The following EVL variants were observed in gnomAD, a reference collection of about 807,000 sequenced individuals.
The protein encoded by EVL is ena/VASP-like protein.
A neutral mutation model predicts 59.6 loss-of-function variants in EVL; 21 were observed. The ratio of observed to expected loss-of-function variants is 0.35; its 90% CI spans 0.25 to 0.51. EVL has a LOEUF of 0.51. Ranked by LOEUF, EVL falls within the 20% of genes least tolerant of loss-of-function variation. EVL has a pLI of 0.97. For synonymous variants in EVL, 198 were observed against 203.5 expected, an observed-to-expected ratio of 0.97 and a Z score of 0.23; for missense variants, 462 against 546.6, an observed-to-expected ratio of 0.85 and a Z score of 1.54.
chr14:100,043,177 T>A (rs1326713735), intron 1 of EVL, among the ~76,000 whole-genome samples: 1 of 152,110 alleles, frequency 6.6e-6, no homozygotes, highest in Non-Finnish European at 1.5e-5. Flanking sequence ...GGAACCCCTC[T>A]GTATTAATCA....
intron 3 of EVL, among the ~76,000 whole-genome samples, chr14:100,099,194 A>AG (rs1307974832): frequency 7.2e-5 from 11 of 151,874 alleles, no homozygotes; most frequent in Non-Finnish European, 1.5e-4. Flanking sequence ...AAAAAAAAAA[A>AG]AAAAAGAAAA....
intron 2 of EVL, among the ~76,000 whole-genome samples, chr14:100,087,458 T>A (rs1221101155): frequency 2.6e-5 from 4 of 151,928 alleles, no homozygotes; most frequent in Admixed American, 1.3e-4. Flanking sequence ...TATAAAAAAA[T>A]ATATAAATTA....
At chr14:100,112,679 G>T (rs1165012393) in intron 3 of EVL, among the ~76,000 whole-genome samples, 1 of 152,144 alleles carries the variant, frequency 6.6e-6, no homozygotes, top group Non-Finnish European at 1.5e-5. Flanking sequence ...AAAACCTCAG[G>T]GCTCCTTCCC....
chr14:99,973,441 T>C (rs929991900), intron 1 of EVL, among the ~76,000 whole-genome samples: 1 of 152,360 alleles, frequency 6.6e-6, no homozygotes, highest in African/African-American at 2.4e-5. Flanking sequence ...TGTTCAGATA[T>C]CTTGCCCACA....
chr14:100,139,087 G>GGT (rs1390444835), intron 11 of EVL: 1 of 152,424 alleles, frequency 6.6e-6, no homozygotes, highest in Non-Finnish European at 1.5e-5. Context: ...AGGGTGCCAT[G>GGT]GTGGAGGCTG....
Position 100,109,065 on chromosome 14 carries a change from A to G in EVL, c.358+11407A>G, listed in dbSNP as rs905589233. Among the ~76,000 whole-genome samples the G allele has an allele frequency of 1.9e-4, 29 of 152,194 alleles. 1 individual carries two copies. In the East Asian group the frequency reaches 5.4e-3, roughly 29 times the overall value. ...CTCAGCATCGAGGTCCTGTGGGACC[A>G]TGTCCAGCAGTGAAGGCTGTGCATT... On this transcript the variant is annotated intron_variant, in intron 3 of 13. Coordinates refer to ENST00000392920, the MANE Select transcript of EVL (RefSeq NM_016337.3). This position sits in a 1 kb window ranked among gnomAD's most constrained non-coding sequence, Gnocchi z 4.3.
intron 1 of EVL, among the ~76,000 whole-genome samples, chr14:100,051,662 G>T (rs1248540767): frequency 6.6e-6 from 1 of 152,136 alleles, no homozygotes; most frequent in Non-Finnish European, 1.5e-5. Flanking sequence ...GCCAGTAATT[G>T]TAACTTGTTT....
chr14:99,972,839 C>T lies in EVL; in HGVS notation c.5+782C>T, dbSNP rs2060744171. Among the ~76,000 whole-genome samples the T allele has an allele frequency of 6.6e-6, 1 of 151,804 alleles. No individual in the cohort carries two copies. Among genetic ancestry groups the T allele is most frequent in the Admixed American group, 6.6e-5 (1 of 15,254 alleles). On this transcript the variant is annotated intron_variant, in intron 1 of 13. Transcript: ENST00000402714. This position sits in a 1 kb window ranked among gnomAD's most constrained non-coding sequence, Gnocchi z 4.4. ...CATTTGTAATTTTGCTTTCTGAACA[C>T]GTATCTCGTAAAAACTGTAGTTTGT...
At position 100,100,140 on chromosome 14, in the gene EVL, C is replaced by T. The variant is rs1192714345; in HGVS notation, c.358+2482C>T. Among the ~76,000 whole-genome samples the T allele has an allele frequency of 2.6e-5, 4 of 151,912 alleles. No homozygotes were observed. In the South Asian group the frequency reaches 6.2e-4, roughly 24 times the overall value. On this transcript the variant is annotated intron_variant, in intron 3 of 13. Coordinates refer to ENST00000392920, the MANE Select transcript of EVL (RefSeq NM_016337.3). ...TCATTTTCAGATAAGAAAGCCATGCCGCATTATGAGGAAACAACTTCTCGT... is the reference window on the plus strand; with the variant it reads ...TCATTTTCAGATAAGAAAGCCATGCTGCATTATGAGGAAACAACTTCTCGT...
chr14:100,072,943 T>C (rs1301111357), intron 1 of EVL, among the ~76,000 whole-genome samples: 1 of 152,212 alleles, frequency 6.6e-6, no homozygotes, highest in Non-Finnish European at 1.5e-5. Context: ...GGATCAGCCA[T>C]GGGCGTTGGG....
At chr14:100,093,648 G>A (rs534327081) in intron 2 of EVL, among the ~76,000 whole-genome samples, 13 of 152,320 alleles carry the variant, frequency 8.5e-5, no homozygotes, top group East Asian at 3.9e-4. Context: ...ACTGGGATAC[G>A]TCCTCTAGAA....
At position 100,019,544 on chromosome 14, in the gene EVL, T is replaced by TG. The variant is rs1391126759; in HGVS notation, c.5+47493dup. ...CAGAAAGCCTTTTACTTCAGAATAT[T>TG]GGGGGGTGTGGAAACCCCGCCTCAT... is the stretch of plus-strand genomic sequence containing the variant. On this transcript the variant is annotated intron_variant, in intron 1 of 13. Coordinates refer to the EVL transcript ENST00000402714. The TG allele has an allele frequency of 5.0e-6, 4 of 796,820 alleles. No homozygotes were observed. In the South Asian group the frequency reaches 5.8e-5, roughly 12 times the overall value. The allele number at this position is 796,820 out of a possible 1,614,324, so 49.4% of individuals were successfully genotyped here.
At chr14:100,002,017 A>G (rs2060949072) in intron 1 of EVL, among the ~76,000 whole-genome samples, 1 of 152,230 alleles carries the variant, frequency 6.6e-6, no homozygotes, top group Non-Finnish European at 1.5e-5. Context: ...AATATCCTCC[A>G]AATTTTGTTC....
chr14:100,067,273 G>A (rs906940031), intron 1 of EVL, among the ~76,000 whole-genome samples: 1 of 152,204 alleles, frequency 6.6e-6, no homozygotes, highest in Non-Finnish European at 1.5e-5. Flanking sequence ...TGGGGATACC[G>A]TGGCGCCTGT....
At chr14:100,079,853 T>C (rs2062254490) in intron 1 of EVL, among the ~76,000 whole-genome samples, 1 of 152,040 alleles carries the variant, frequency 6.6e-6, no homozygotes, top group Non-Finnish European at 1.5e-5. Flanking sequence ...CAGCCCGAGA[T>C]TGACTTCGGG....
intron 1 of EVL, among the ~76,000 whole-genome samples, chr14:100,035,649 T>C (rs1234092082): frequency 1.3e-5 from 2 of 152,174 alleles, no homozygotes; most frequent in African/African-American, 2.4e-5. Flanking sequence ...ATTGTTCCAA[T>C]AGGTAAGACA....
intron 1 of EVL, among the ~76,000 whole-genome samples, chr14:100,083,697 C>T (rs2062365620): frequency 6.6e-6 from 1 of 152,222 alleles, no homozygotes; most frequent in African/African-American, 2.4e-5. Context: ...ATGTCTTCAG[C>T]AAAGTATGGT....
At chr14:100,026,343 CAGAG>C (rs2061212486) in intron 1 of EVL, among the ~76,000 whole-genome samples, 1 of 139,446 alleles carries the variant, frequency 7.2e-6, no homozygotes, top group African/African-American at 2.5e-5. Context: ...AACAGACACT[CAGAG>C]AGGTTAAGTA....
At chr14:100,054,049 CTTTTTTTTTTT>C (rs11302582) in intron 1 of EVL, among the ~76,000 whole-genome samples, 5 of 61,256 alleles carry the variant, frequency 8.2e-5, no homozygotes, top group Non-Finnish European at 1.2e-4. Flanking sequence ...TATTTTTGGA[CTTTTTTTTTTT>C]TTTTTTTTTT....
Sources: allele counts gnomAD v4.1 joint callset (sites outside exome capture counted in the v4.1 genomes callset), GRCh38; gene constraint gnomAD v4.1.1; non-coding constraint Gnocchi (gnomAD v3.1); transcripts MANE v1.5; gene names NCBI Gene and HGNC (gene_info 2026-07-23, HGNC 2026-07-21).